The following TAF3 variants were observed in gnomAD, a reference collection of about 807,000 sequenced individuals.
The protein encoded by TAF3 is TATA-box binding protein associated factor 3.
Under a neutral mutation model 80.6 loss-of-function variants are expected in TAF3, and 7 were observed. That is an observed-to-expected ratio of 0.09 (90% CI 0.05 to 0.16). The LOEUF is 0.16. TAF3 is among the 10% of genes least tolerant of loss of function. The probability of loss-of-function intolerance (pLI) is 1.00; values close to 1 mark genes in which losing one functional copy is unlikely to be tolerated. For synonymous variants in TAF3, 444 were observed against 446.1 expected, an observed-to-expected ratio of 1.00 and a Z score of 0.06; for missense variants, 921 against 1,140.2, an observed-to-expected ratio of 0.81 and a Z score of 2.77.
chr10:7,916,613 T>G (rs1837714134), intron 2 of TAF3, among the ~76,000 whole-genome samples: 1 of 152,132 alleles, frequency 6.6e-6, no homozygotes. Flanking sequence ...TTTTTAATAA[T>G]AGGTGAGCTT....
intron 2 of TAF3, among the ~76,000 whole-genome samples, chr10:7,944,950 A>G (rs1440025218): frequency 2.6e-5 from 4 of 152,374 alleles, no homozygotes; most frequent in African/African-American, 9.6e-5. Context: ...ACATTAGAAT[A>G]AAGATTTGGT....
intron 2 of TAF3, among the ~76,000 whole-genome samples, chr10:7,885,249 G>GAT (rs1554779927): frequency 6.7e-6 from 1 of 148,604 alleles, no homozygotes; most frequent in African/African-American, 2.5e-5. Flanking sequence ...TATAAATTTT[G>GAT]ACACACACAC....
At chr10:7,979,276 G>A (rs1028004780) in intron 4 of TAF3, among the ~76,000 whole-genome samples, 2 of 149,684 alleles carry the variant, frequency 1.3e-5, no homozygotes, top group South Asian at 2.1e-4. Context: ...CCTGGGAGGC[G>A]GAGCTTTCTG....
At chr10:7,946,547 A>C (rs889804488) in intron 2 of TAF3, among the ~76,000 whole-genome samples, 1 of 152,144 alleles carries the variant, frequency 6.6e-6, no homozygotes, top group African/African-American at 2.4e-5. Flanking sequence ...GACGTGGCCA[A>C]ACCTCGTCTG....
At chr10:7,988,742 C>T (rs1404631982) in intron 4 of TAF3, among the ~76,000 whole-genome samples, 2 of 102,654 alleles carry the variant, frequency 1.9e-5, no homozygotes, top group African/African-American at 4.4e-5. Flanking sequence ...GAGTGAGATT[C>T]TGTCTCTCAG....
Position 8,015,008 on chromosome 10 carries a change from C to A in TAF3, c.*257C>A, listed in dbSNP as rs969304324. 1 of 345,844 alleles carries A rather than the reference C, an allele frequency of 2.9e-6. No individual in the cohort carries two copies. Among genetic ancestry groups the A allele is most frequent in the African/African-American group, 2.1e-5 (1 of 48,310 alleles). The allele number at this position is 345,844 out of a possible 1,614,324, so 21.4% of individuals were successfully genotyped here. ...CCTGGGGGCTGCCCCTCCTCCACTT[C>A]TCTAATACCAGTGACAAGTATTATT... On this transcript the variant is annotated 3_prime_UTR_variant, in exon 7 of 7. Transcript: ENST00000344293.
chr10:7,996,672 C>T (rs980879192), intron 4 of TAF3, among the ~76,000 whole-genome samples: 1 of 150,582 alleles, frequency 6.6e-6, no homozygotes, highest in Admixed American at 6.6e-5. Flanking sequence ...TGTATTCTTA[C>T]GTTGAGGCAG....
chr10:8,013,655 A>G (rs1382734765), intron 5 of TAF3, 76 bp from the exon 6 acceptor site: 4 of 1,171,934 alleles, frequency 3.4e-6, no homozygotes, highest in Non-Finnish European at 5.1e-6. Context: ...GTATAAAGTA[A>G]TCATTCTGAT....
At chr10:7,920,619 C>T (rs892994335) in intron 2 of TAF3, among the ~76,000 whole-genome samples, 1 of 152,122 alleles carries the variant, frequency 6.6e-6, no homozygotes, top group East Asian at 1.9e-4. Flanking sequence ...TGAATTTGTA[C>T]GATATAAATC....
chr10:8,011,407 C>T (rs1564383660), intron 5 of TAF3, among the ~76,000 whole-genome samples: 1 of 152,132 alleles, frequency 6.6e-6, no homozygotes, highest in Non-Finnish European at 1.5e-5. Context: ...GCGTCTGCCA[C>T]CACAACTGGC....
At chr10:7,819,021 C>T (rs117251400) in intron 1 of TAF3, 146 bp downstream of exon 1, 19,538 of 792,100 alleles carry the variant, frequency 0.025, 337 homozygotes, top group Non-Finnish European at 0.031. Flanking sequence ...CGTCCCTGGG[C>T]TTCCACTGCC....
chr10:7,917,447 GGT>G (rs1837721542), intron 2 of TAF3, among the ~76,000 whole-genome samples: 2 of 152,236 alleles, frequency 1.3e-5, no homozygotes, highest in Admixed American at 1.3e-4. Flanking sequence ...TAGAGAGAAT[GGT>G]GGGAGGTAAC....
intron 2 of TAF3, among the ~76,000 whole-genome samples, chr10:7,835,808 C>G (rs944851660): frequency 6.6e-6 from 1 of 152,152 alleles, no homozygotes; most frequent in Non-Finnish European, 1.5e-5. Flanking sequence ...GCCTCATACT[C>G]GGGTCTCATG....
At chr10:7,908,248 G>T (rs1837623879) in intron 2 of TAF3, among the ~76,000 whole-genome samples, 1 of 152,142 alleles carries the variant, frequency 6.6e-6, no homozygotes, top group South Asian at 2.1e-4. Context: ...TAGTGGTGGG[G>T]ATCTTTGAAC....
chr10:7,917,593 A>C (rs1345104897), intron 2 of TAF3, among the ~76,000 whole-genome samples: 4 of 152,180 alleles, frequency 2.6e-5, no homozygotes, highest in Non-Finnish European at 5.9e-5. Context: ...AGCATGGTCT[A>C]ATTTCTCTTT....
At chr10:7,848,157 A>G (rs933428695) in intron 2 of TAF3, among the ~76,000 whole-genome samples, 2 of 152,360 alleles carry the variant, frequency 1.3e-5, no homozygotes, top group Non-Finnish European at 2.9e-5. Flanking sequence ...TAAAGGTTCC[A>G]TTGGAGCCAG....
intron 2 of TAF3, among the ~76,000 whole-genome samples, chr10:7,893,790 C>A (rs1837480400): frequency 6.6e-6 from 1 of 152,118 alleles, no homozygotes; most frequent in Admixed American, 6.6e-5. Context: ...AATATTTTAT[C>A]AGCTATTTTC....
intron 2 of TAF3, among the ~76,000 whole-genome samples, chr10:7,932,703 G>A (rs1327142177): frequency 3.9e-4 from 54 of 139,350 alleles, no homozygotes; most frequent in African/African-American, 1.4e-3. Context: ...TTGGAGAGAG[G>A]GTCTTGCTCT....
At position 8,009,002 on chromosome 10, in the gene TAF3, G is replaced by T; in HGVS notation, c.2316-76G>T. On this transcript the variant is annotated intron_variant, in intron 4 of 6. Transcript: ENST00000344293. The surrounding 1 kb of genome is among the most constrained non-coding windows in gnomAD (Gnocchi z 4.1). The stretch of plus-strand genomic sequence containing the variant: ...GCTACTGGAAGAAAAGCTATTTTAC[G>T]ATCATGTTTTTAAGCACGGGTTTGG... 2 of 1,520,216 alleles carry T rather than the reference G, an allele frequency of 1.3e-6. No individual in the cohort carries two copies. Among genetic ancestry groups the T allele is most frequent in the South Asian group, 2.2e-5 (2 of 89,988 alleles). The allele number at this position is 1,520,216 out of a possible 1,614,324, so 94.2% of individuals were successfully genotyped here.
Sources: allele counts gnomAD v4.1 joint callset (sites outside exome capture counted in the v4.1 genomes callset), GRCh38; gene constraint gnomAD v4.1.1; non-coding constraint Gnocchi (gnomAD v3.1); transcripts MANE v1.5; gene names NCBI Gene and HGNC (gene_info 2026-07-23, HGNC 2026-07-21).